SLC25A28: variants seen among roughly 807,000 people sequenced by gnomAD.
SLC25A28 encodes solute carrier family 25 member 28, also known as mitoferrin-2.
A neutral mutation model predicts 31.9 loss-of-function variants in SLC25A28; 10 were observed. The observed-to-expected ratio is 0.31, with a 90% confidence interval of 0.19 to 0.53. SLC25A28 has a LOEUF of 0.53. Among genes scored for constraint, SLC25A28 ranks in the 20% least tolerant of loss-of-function variants. The pLI, the probability that SLC25A28 is intolerant of heterozygous loss-of-function variation, is 0.95. For missense variants in SLC25A28, 256 were observed against 490.3 expected (o/e 0.52, Z 4.51); for synonymous variants, 208 against 203.6 (o/e 1.02, Z -0.19).
At chr10:99,648,741 T>C in the SLC25A28 span, among the ~76,000 whole-genome samples, 2 of 149,018 alleles carry the variant, frequency 1.3e-5, no homozygotes, top group African/African-American at 5.0e-5. Flanking sequence ...TTTGATTTGG[T>C]CATCAGCTAG....
At chr10:99,635,212 C>T in the SLC25A28 span, among the ~76,000 whole-genome samples, 127,814 of 152,144 alleles carry the variant, frequency 0.84, 53,931 homozygotes, top group Middle Eastern at 0.92. Flanking sequence ...ATAAATCACA[C>T]AGGACCTATG....
chr10:99,627,891 C>A, the SLC25A28 span, among the ~76,000 whole-genome samples: 1 of 152,160 alleles, frequency 6.6e-6, no homozygotes, highest in African/African-American at 2.4e-5. Context: ...TCCCGCCACC[C>A]TTCCCAGCCT....
rs944856493 is a variant in SLC25A28 at position 99,610,706 on chromosome 10, G to A, written c.*143C>T. ...GCAACAGAGGTTGGCAGGAACTGGT[G>A]TTAGTCAAAACACCAAAATCCTGGG... On this transcript the variant is annotated 3_prime_UTR_variant, in exon 4 of 4. Coordinates refer to ENST00000370495, the MANE Select transcript of SLC25A28 (RefSeq NM_031212.4). 28 of 1,019,856 alleles carry A rather than the reference G, an allele frequency of 2.7e-5. No individual in the cohort carries two copies. The East Asian group carries it at 5.1e-4, about 19-fold the overall frequency. 63.2% of individuals were successfully genotyped at this position (1,019,856 alleles called of 1,614,324 possible).
At chr10:99,633,383 C>T in the SLC25A28 span, among the ~76,000 whole-genome samples, 1 of 152,142 alleles carries the variant, frequency 6.6e-6, no homozygotes, top group African/African-American at 2.4e-5. Flanking sequence ...ACAACTTACT[C>T]ATTACAAACT....
upstream of SLC25A28, chr10:99,620,809 C>G: frequency 1.0e-6 from 1 of 985,486 alleles, no homozygotes; most frequent in African/African-American, 1.7e-5. Flanking sequence ...AAGAGCGACG[C>G]GCCCAGGGAC....
chr10:99,614,166 G>A (rs1356447549), intron 1 of SLC25A28, among the ~76,000 whole-genome samples: 2 of 152,090 alleles, frequency 1.3e-5, no homozygotes, highest in Non-Finnish European at 2.9e-5. Context: ...CCCACCTATT[G>A]CTAAGTGTCC....
At chr10:99,616,265 T>C in intron 1 of SLC25A28, 1 of 929,518 alleles carries the variant, frequency 1.1e-6, no homozygotes, top group African/African-American at 1.8e-5. Flanking sequence ...AGCCTCAGCT[T>C]TGCTAGTTGT....
the SLC25A28 span, among the ~76,000 whole-genome samples, chr10:99,631,873 A>ATGT: frequency 8.3e-6 from 1 of 121,074 alleles, no homozygotes; most frequent in African/African-American, 3.0e-5. Flanking sequence ...CACGCTCAGT[A>ATGT]TGTTATTTTT....
chr10:99,634,468 T>C, the SLC25A28 span, among the ~76,000 whole-genome samples: 48 of 152,044 alleles, frequency 3.2e-4, no homozygotes, highest in African/African-American at 1.1e-3. Flanking sequence ...TTTCAGGAAA[T>C]ATCGAACACA....
chr10:99,638,217 A>G, the SLC25A28 span, among the ~76,000 whole-genome samples: 1 of 151,988 alleles, frequency 6.6e-6, no homozygotes, highest in Non-Finnish European at 1.5e-5. Flanking sequence ...TTTTCCACAA[A>G]TGGTAATAAT....
Position 99,610,633 on chromosome 10 carries a change from G to C in SLC25A28, c.*216C>G. On this transcript the variant is annotated 3_prime_UTR_variant, in exon 4 of 4. Transcript: ENST00000370495. ...ATGGAGAGAGGTTATCAAAGGTGCT[G>C]TGGTGTGCTTTGCTGCACGTGCTTA... 1 of 587,886 alleles carries C rather than the reference G, an allele frequency of 1.7e-6. No individual in the cohort carries two copies. Among genetic ancestry groups the C allele is most frequent in the Admixed American group, 3.0e-5 (1 of 33,238 alleles). The allele number at this position is 587,886 out of a possible 1,614,324, so 36.4% of individuals were successfully genotyped here.
In SLC25A28 at chr10:99,615,412, G is replaced by C. The variant is rs963381133; in HGVS notation, c.292-1488C>G. 4.1e-6 allele frequency: 4 copies of C among 974,466 alleles called. No individual in the cohort carries two copies. In the Admixed American group the frequency reaches 2.5e-4, roughly 61 times the overall value. The allele number at this position is 974,466 out of a possible 1,614,324, so 60.4% of individuals were successfully genotyped here. The stretch of plus-strand genomic sequence containing the variant: ...CCTCTTGGCCAACTGGAATCCAAGA[G>C]TAATACCTTTCCTCAAGAGCATGGG... On this transcript the variant is annotated intron_variant, in intron 1 of 3. Coordinates refer to ENST00000370495, the MANE Select transcript of SLC25A28 (RefSeq NM_031212.4).
rs1238159312 is a variant in SLC25A28, at chr10:99,620,198, G to C, written c.138C>G (p.Ala46=). ...GTCGTACCGGGGGCCTGCAGGCCCCGGCCTCCCCGCCGCCGGCCCCCCGGC... is the reference window on the plus strand; with the variant it reads ...GTCGTACCGGGGGCCTGCAGGCCCCCGCCTCCCCGCCGCCGGCCCCCCGGC... ...GVGRGAGGGE[A]GACRPPVRQD... Residue 46 remains alanine (A), a synonymous_variant, in exon 1 of 4, where the codon GCC becomes GCG. Transcript: ENST00000370495. 7.0e-7 allele frequency: 1 copy of C among 1,438,122 alleles called. No individual in the cohort carries two copies. Among genetic ancestry groups the C allele is most frequent in the Non-Finnish European group, 9.1e-7 (1 of 1,096,988 alleles). 89.1% of individuals were successfully genotyped at this position (1,438,122 alleles called of 1,614,324 possible). A position where few individuals can be genotyped will look rare whatever the true frequency, so the allele number is the denominator to read the frequency against.
At chr10:99,645,545 CCTT>C in the SLC25A28 span, among the ~76,000 whole-genome samples, 1 of 152,220 alleles carries the variant, frequency 6.6e-6, no homozygotes, top group Non-Finnish European at 1.5e-5. Flanking sequence ...TCGTCCAAAG[CCTT>C]CTTCTCTCAA....
the SLC25A28 span, among the ~76,000 whole-genome samples, chr10:99,652,556 G>A: frequency 6.6e-6 from 1 of 152,144 alleles, no homozygotes; most frequent in Non-Finnish European, 1.5e-5. Context: ...TGGCTTGCAT[G>A]TGCCATTCCT....
intron 3 of SLC25A28, 118 bp downstream of exon 3, chr10:99,612,425 C>G (rs2034547728): frequency 1.7e-6 from 2 of 1,166,244 alleles, no homozygotes; most frequent in Non-Finnish European, 2.5e-6. Flanking sequence ...AGGGAGCACC[C>G]TCTAGTGGTA....
the SLC25A28 span, among the ~76,000 whole-genome samples, chr10:99,628,373 T>G: frequency 6.6e-6 from 1 of 152,254 alleles, no homozygotes; most frequent in Admixed American, 6.5e-5. Flanking sequence ...AGATCAACAT[T>G]ATGCCATCAA....
At chr10:99,624,838 G>GA (rs533481523), upstream of SLC25A28, among the ~76,000 whole-genome samples, 2 of 151,492 alleles carry the variant, frequency 1.3e-5, no homozygotes, top group African/African-American at 2.4e-5. Context: ...CTATCTCAAA[G>GA]AAAAAAAAGT....
the SLC25A28 span, among the ~76,000 whole-genome samples, chr10:99,634,165 C>T: frequency 6.6e-6 from 1 of 152,206 alleles, no homozygotes; most frequent in African/African-American, 2.4e-5. Context: ...CAGCCCTAGA[C>T]CTTCCCTCTG....
Sources: gnomAD v4.1 joint callset for allele counts (sites outside exome capture counted in the v4.1 genomes callset) on GRCh38, gnomAD v4.1.1 for gene constraint, MANE v1.5 for transcripts, NCBI Gene and HGNC (gene_info 2026-07-23, HGNC 2026-07-21) for gene names.